Variants in OPCML observed in about 807,000 individuals in gnomAD.
OPCML encodes the protein opioid-binding protein/cell adhesion molecule.
In OPCML, 13 loss-of-function variants were observed where a neutral mutation model predicts 37.8. The observed-to-expected ratio is 0.34, with a 90% confidence interval of 0.22 to 0.55. The LOEUF is 0.55. OPCML is among the 20% of genes least tolerant of loss of function. The pLI is 0.91. For missense variants in OPCML, 341 were observed against 435.6 expected, an observed-to-expected ratio of 0.78 and a Z score of 1.93; for synonymous variants, 176 against 168.8, an observed-to-expected ratio of 1.04 and a Z score of -0.33.
chr11:132,728,753 T>C (rs1944973062), intron 2 of OPCML, among the ~76,000 whole-genome samples: 1 of 152,190 alleles, frequency 6.6e-6, no homozygotes, highest in African/African-American at 2.4e-5. Context: ...TGTGAACTCA[T>C]TTAATCATCA....
rs80244169 is a variant in OPCML at position 132,731,843 on chromosome 11, G to C, written c.147-74524C>G. On this transcript the variant is annotated intron_variant, in intron 2 of 7. Transcript: ENST00000524381. ...AAATACAATTGTCAACTGCATGTAG[G>C]AAATGCAAAGCAAATAGGTGTATCA... Among the ~76,000 whole-genome samples, 389 of 152,264 alleles carry C rather than the reference G, an allele frequency of 2.6e-3. 1 individual carries two copies. Among genetic ancestry groups the C allele is most frequent in the Non-Finnish European group, 4.7e-3 (322 of 68,012 alleles).
chr11:133,053,585 T>C (rs1397148826), intron 1 of OPCML, among the ~76,000 whole-genome samples: 1 of 152,198 alleles, frequency 6.6e-6, no homozygotes, highest in Non-Finnish European at 1.5e-5. Context: ...TGAAATTTCC[T>C]CTTATTCTAT....
chr11:133,320,434 C>A (rs1291544847), intron 1 of OPCML, among the ~76,000 whole-genome samples: 2 of 152,102 alleles, frequency 1.3e-5, no homozygotes, highest in Admixed American at 6.5e-5. Context: ...AGTATCTATT[C>A]CTCACACATA....
chr11:133,295,433 A>T (rs915293906), intron 1 of OPCML, among the ~76,000 whole-genome samples: 1 of 152,218 alleles, frequency 6.6e-6, no homozygotes, highest in Non-Finnish European at 1.5e-5. Context: ...ACAGGAGCAT[A>T]GGCAGGATCT....
At chr11:132,484,392 G>T (rs1217150778) in intron 4 of OPCML, among the ~76,000 whole-genome samples, 8 of 152,150 alleles carry the variant, frequency 5.3e-5, no homozygotes, top group Non-Finnish European at 1.0e-4. Flanking sequence ...CAGTTAGAAT[G>T]GCAATCATTA....
intron 4 of OPCML, among the ~76,000 whole-genome samples, chr11:132,507,716 A>T (rs886224952): frequency 6.6e-6 from 1 of 151,870 alleles, no homozygotes; most frequent in Non-Finnish European, 1.5e-5. Flanking sequence ...TAAACAATTC[A>T]TAGTTCAAAT....
chr11:133,103,309 A>T (rs1490455076), intron 1 of OPCML, among the ~76,000 whole-genome samples: 2 of 152,186 alleles, frequency 1.3e-5, no homozygotes, highest in Non-Finnish European at 2.9e-5. Flanking sequence ...TAGGAAGAAA[A>T]ACTGAGTCAC....
At chr11:133,152,452 T>C (rs1465619821) in intron 1 of OPCML, among the ~76,000 whole-genome samples, 2 of 152,144 alleles carry the variant, frequency 1.3e-5, no homozygotes, top group Non-Finnish European at 2.9e-5. Context: ...GACTTCTGCA[T>C]CCACATCGAC....
Position 132,465,565 on chromosome 11 carries a change from T to C in OPCML, c.506-28206A>G, listed in dbSNP as rs540239901. Among the ~76,000 whole-genome samples, 14 of 152,234 alleles carry C rather than the reference T, an allele frequency of 9.2e-5. No homozygotes were observed. In the South Asian group the frequency reaches 2.9e-3, roughly 32 times the overall value. On this transcript the variant is annotated intron_variant, in intron 4 of 7. Coordinates refer to ENST00000524381, the MANE Select transcript of OPCML (RefSeq NM_001012393.5). ...TTTACATTTTCTTATATTATTTTCT[T>C]AGAATTCTATGTTATTTTGTGTATA...
At chr11:133,175,413 C>T (rs779703186) in intron 1 of OPCML, among the ~76,000 whole-genome samples, 4 of 150,580 alleles carry the variant, frequency 2.7e-5, no homozygotes, top group Admixed American at 2.0e-4. Flanking sequence ...CTTATTTATT[C>T]GTGTTATTAA....
intron 1 of OPCML, among the ~76,000 whole-genome samples, chr11:133,099,225 T>C (rs1378991848): frequency 6.6e-6 from 1 of 151,850 alleles, no homozygotes; most frequent in East Asian, 1.9e-4. Flanking sequence ...ATAGAGTCAA[T>C]AGTCTCCGAA....
At chr11:133,136,052 C>G (rs1428463979) in intron 1 of OPCML, among the ~76,000 whole-genome samples, 1 of 152,156 alleles carries the variant, frequency 6.6e-6, no homozygotes, top group Non-Finnish European at 1.5e-5. Flanking sequence ...ATTCAAAAGA[C>G]CTAAGAATCT....
chr11:132,557,070 T>C (rs962453275), intron 3 of OPCML, among the ~76,000 whole-genome samples: 2 of 152,214 alleles, frequency 1.3e-5, no homozygotes, highest in East Asian at 3.8e-4. Context: ...GAAAAAAATC[T>C]TATTCTTACC....
At chr11:132,499,170 G>A (rs544897340) in intron 4 of OPCML, among the ~76,000 whole-genome samples, 67 of 152,322 alleles carry the variant, frequency 4.4e-4, no homozygotes, top group South Asian at 3.9e-3. Context: ...GATATGTGAT[G>A]ATTCCAGGTG....
chr11:133,467,928 TAGG>T (rs1262229738), intron 1 of OPCML, among the ~76,000 whole-genome samples: 1 of 152,208 alleles, frequency 6.6e-6, no homozygotes, highest in African/African-American at 2.4e-5. Context: ...ATTTGTATAA[TAGG>T]AGATCTGAGT....
intron 1 of OPCML, among the ~76,000 whole-genome samples, chr11:133,198,282 CAGG>C (rs1938618011): frequency 6.6e-6 from 1 of 152,214 alleles, no homozygotes; most frequent in Non-Finnish European, 1.5e-5. Flanking sequence ...GAAAAATCTT[CAGG>C]AGTTTTGTAG....
chr11:132,757,862 A>G lies in OPCML; in HGVS notation c.147-100543T>C, dbSNP rs1390077855. Among the ~76,000 whole-genome samples the G allele has an allele frequency of 6.6e-5, 10 of 152,078 alleles. 1 individual carries two copies. Among genetic ancestry groups the G allele is most frequent in the Admixed American group, 6.5e-4 (10 of 15,270 alleles). On this transcript the variant is annotated intron_variant, in intron 2 of 7. Coordinates refer to ENST00000524381, the MANE Select transcript of OPCML (RefSeq NM_001012393.5). ...ACTGCTTTTGGTGTTTTAGTCATGAAGTCTTTGTCCATGCCTATGTCCTGA... is the reference window on the plus strand; with the variant it reads ...ACTGCTTTTGGTGTTTTAGTCATGAGGTCTTTGTCCATGCCTATGTCCTGA...
At chr11:132,843,113 G>A (rs1941371493) in intron 2 of OPCML, among the ~76,000 whole-genome samples, 1 of 104,640 alleles carries the variant, frequency 9.6e-6, no homozygotes, top group Non-Finnish European at 1.9e-5. Context: ...TTTTTGAGAT[G>A]GAATTTTGCT....
At chr11:133,433,186 A>G (rs1238681257) in intron 1 of OPCML, among the ~76,000 whole-genome samples, 1 of 147,942 alleles carries the variant, frequency 6.8e-6, no homozygotes, top group East Asian at 2.0e-4. Context: ...CGGGAGGCGG[A>G]GCTTGCAGTG....
Sources: gnomAD v4.1 joint callset for allele counts (sites outside exome capture counted in the v4.1 genomes callset) on GRCh38, gnomAD v4.1.1 for gene constraint, MANE v1.5 for transcripts, NCBI Gene and HGNC (gene_info 2026-07-23, HGNC 2026-07-21) for gene names.